INPP4B: variants seen among roughly 807,000 people sequenced by gnomAD.
INPP4B encodes the protein inositol polyphosphate 4-phosphatase type II.
A neutral mutation model predicts 122.5 loss-of-function variants in INPP4B; 55 were observed. That is an observed-to-expected ratio of 0.45 (90% CI 0.36 to 0.56). The LOEUF (loss-of-function observed/expected upper bound fraction) is 0.56, where lower values mean the gene tolerates loss of function less well. INPP4B is among the 20% of genes least tolerant of loss of function. INPP4B has a pLI of 0.00. For missense variants in INPP4B, 1,000 were observed against 1,097.7 expected (o/e 0.91, Z 1.26); for synonymous variants, 403 against 388.7 (o/e 1.04, Z -0.43).
intron 9 of INPP4B, chr4:142,287,437 G>A (rs557797708): frequency 8.5e-5 from 13 of 152,286 alleles, no homozygotes; most frequent in African/African-American, 3.1e-4. Flanking sequence ...AGGCATAACA[G>A]TCAGACAAAT....
At chr4:142,803,985 G>C (rs1017656389) in intron 1 of INPP4B, among the ~76,000 whole-genome samples, 2 of 151,774 alleles carry the variant, frequency 1.3e-5, no homozygotes, top group Non-Finnish European at 2.9e-5. Flanking sequence ...CTTGAACCCG[G>C]GAGGTGGAGG....
intron 2 of INPP4B, among the ~76,000 whole-genome samples, chr4:142,515,201 C>T (rs984599827): frequency 6.6e-6 from 1 of 152,126 alleles, no homozygotes. Context: ...TCCTGAAACT[C>T]TTGCCTGGAA....
At chr4:142,797,568 C>A (rs72728657) in intron 1 of INPP4B, among the ~76,000 whole-genome samples, 1 of 151,622 alleles carries the variant, frequency 6.6e-6, no homozygotes, top group Non-Finnish European at 1.5e-5. Flanking sequence ...TCAAATTTCC[C>A]AAACTGATAA....
At chr4:142,118,493 A>G (rs1794900662) in intron 21 of INPP4B, among the ~76,000 whole-genome samples, 1 of 152,186 alleles carries the variant, frequency 6.6e-6, no homozygotes, top group Admixed American at 6.6e-5. Flanking sequence ...AATACCACAC[A>G]TCTACAACCA....
At chr4:142,214,410 T>A (rs887670282) in intron 12 of INPP4B, among the ~76,000 whole-genome samples, 2 of 152,192 alleles carry the variant, frequency 1.3e-5, no homozygotes, top group African/African-American at 4.8e-5. Context: ...GATGTCCTTC[T>A]TGAACGGGCC....
intron 25 of INPP4B, among the ~76,000 whole-genome samples, chr4:142,059,341 G>A (rs757317566): frequency 1.5e-4 from 23 of 151,900 alleles, no homozygotes; most frequent in Admixed American, 8.5e-4. Context: ...CTTTTCTTAG[G>A]CCTCCTACTT....
At chr4:142,247,088 G>A (rs184840042) in intron 11 of INPP4B, among the ~76,000 whole-genome samples, 217 of 152,252 alleles carry the variant, frequency 1.4e-3, no homozygotes, top group Admixed American at 2.2e-3. Context: ...TTATGTGATC[G>A]ATTATGTTTA....
chr4:142,207,855 A>G (rs1470988208), intron 14 of INPP4B, among the ~76,000 whole-genome samples: 1 of 152,188 alleles, frequency 6.6e-6, no homozygotes, highest in Non-Finnish European at 1.5e-5. Context: ...ATATGACACC[A>G]TATTGGTCAC....
intron 2 of INPP4B, among the ~76,000 whole-genome samples, chr4:142,529,163 A>G (rs1827288697): frequency 6.6e-6 from 1 of 152,106 alleles, no homozygotes; most frequent in Non-Finnish European, 1.5e-5. Context: ...TCATGCATGT[A>G]TCCATTTAAA....
At chr4:142,671,664 ATAGGTTTAGACTTAG>A (rs1477917162) in intron 2 of INPP4B, among the ~76,000 whole-genome samples, 1 of 152,126 alleles carries the variant, frequency 6.6e-6, no homozygotes, top group Non-Finnish European at 1.5e-5. Context: ...TATCGCCCTC[ATAGGTTTAGACTTAG>A]TAGGTTTGGA....
intron 2 of INPP4B, among the ~76,000 whole-genome samples, chr4:142,535,009 C>T (rs1828023922): frequency 1.3e-5 from 2 of 152,086 alleles, no homozygotes; most frequent in South Asian, 4.1e-4. Context: ...ATGTTCCAGT[C>T]TCATGCTTAT....
chr4:142,827,534 C>T (rs1478469881), intron 1 of INPP4B, among the ~76,000 whole-genome samples: 1 of 152,050 alleles, frequency 6.6e-6, no homozygotes, highest in Non-Finnish European at 1.5e-5. Context: ...TTAGAATTTG[C>T]CCAAGTACAT....
chr4:142,156,350 G>T (rs1044592954), intron 17 of INPP4B, among the ~76,000 whole-genome samples: 1 of 152,044 alleles, frequency 6.6e-6, no homozygotes, highest in African/African-American at 2.4e-5. Context: ...CAAAAACTAG[G>T]TCAACTTAAT....
chr4:142,643,904 C>T (rs1396054136), intron 2 of INPP4B, among the ~76,000 whole-genome samples: 2 of 152,118 alleles, frequency 1.3e-5, no homozygotes, highest in Non-Finnish European at 2.9e-5. Flanking sequence ...CAACTCCCCG[C>T]ATAAGAATAT....
intron 1 of INPP4B, among the ~76,000 whole-genome samples, chr4:142,743,019 T>A (rs1768128586): frequency 6.6e-6 from 1 of 151,810 alleles, no homozygotes; most frequent in African/African-American, 2.4e-5. Flanking sequence ...ACCAGCAGAG[T>A]GAACAGAAGA....
At chr4:142,300,828 T>C (rs1271835738) in intron 9 of INPP4B, among the ~76,000 whole-genome samples, 2 of 152,274 alleles carry the variant, frequency 1.3e-5, no homozygotes, top group Middle Eastern at 3.4e-3. Flanking sequence ...CTACTGTAAA[T>C]GTGGTAGAAG....
At chr4:142,628,557 T>TAAAAAAA (rs35955830) in intron 2 of INPP4B, among the ~76,000 whole-genome samples, 2 of 99,916 alleles carry the variant, frequency 2.0e-5, no homozygotes, top group African/African-American at 7.6e-5. Context: ...AAACTTAAAG[T>TAAAAAAA]AAAAAAAAAA....
chr4:142,399,189 C>CATT (rs1800766505), intron 7 of INPP4B, among the ~76,000 whole-genome samples: 1 of 56,992 alleles, frequency 1.8e-5, no homozygotes, highest in East Asian at 6.9e-4. Context: ...TTTCCTTTTG[C>CATT]TTTTTTTTTT....
chr4:142,818,481 T>C (rs1001901107), intron 1 of INPP4B, among the ~76,000 whole-genome samples: 2 of 152,162 alleles, frequency 1.3e-5, no homozygotes, highest in African/African-American at 4.8e-5. Context: ...TCTATCTATA[T>C]CTATATTTCA....
Sources: allele counts gnomAD v4.1 joint callset (sites outside exome capture counted in the v4.1 genomes callset), GRCh38; gene constraint gnomAD v4.1.1; transcripts MANE v1.5; gene names NCBI Gene and HGNC (gene_info 2026-07-23, HGNC 2026-07-21).